ERCC6: variants seen among roughly 807,000 people sequenced by gnomAD.
The protein encoded by ERCC6 is ERCC excision repair 6, chromatin remodeling factor.
Under a neutral mutation model 158.7 loss-of-function variants are expected in ERCC6, and 116 were observed. The observed-to-expected ratio is 0.73, with a 90% confidence interval of 0.63 to 0.85. ERCC6 has a LOEUF of 0.85. ERCC6 is among the 40% of genes least tolerant of loss of function. The probability of loss-of-function intolerance (pLI) is 0.00; values close to 1 mark genes in which losing one functional copy is unlikely to be tolerated. For missense variants in ERCC6, 1,698 were observed against 1,799.4 expected (o/e 0.94, Z 1.02); for synonymous variants, 678 against 659.3 (o/e 1.03, Z -0.43).
chr10:49,475,919 C>T (rs1373711457), intron 12 of ERCC6, among the ~76,000 whole-genome samples: 1 of 152,196 alleles, frequency 6.6e-6, no homozygotes, highest in East Asian at 1.9e-4. Flanking sequence ...GCCCACCTAC[C>T]AGGTAAGACC....
chr10:49,504,959 C>T (rs902298057), intron 6 of ERCC6: 3 of 152,128 alleles, frequency 2.0e-5, no homozygotes, highest in African/African-American at 7.2e-5. Flanking sequence ...AAAGAGCATG[C>T]TGTTTTTAAG....
intron 16 of ERCC6, 91 bp downstream of exon 16, chr10:49,472,285 T>A (rs2132539286): frequency 9.2e-7 from 1 of 1,084,374 alleles, no homozygotes; most frequent in East Asian, 2.3e-5. Context: ...TATTCTAAGA[T>A]GTTAAGACTT....
chr10:49,443,961 C>T, the ERCC6 span, among the ~76,000 whole-genome samples: 18 of 152,204 alleles, frequency 1.2e-4, no homozygotes, highest in Admixed American at 3.3e-4. Context: ...AAGTGGTTGA[C>T]GACAGGAAAA....
At chr10:49,510,535 C>T (rs139120838) in intron 5 of ERCC6, among the ~76,000 whole-genome samples, 3 of 152,244 alleles carry the variant, frequency 2.0e-5, no homozygotes, top group East Asian at 1.9e-4. Flanking sequence ...CTCCCAATCC[C>T]GTGACATCTT....
In ERCC6 at chr10:49,532,622, T is replaced by C. The variant is rs979639107; in HGVS notation, c.343A>G (p.Asn115Asp). Residue 115 changes from asparagine (N) to aspartate (D), a missense_variant, in exon 2 of 21, where the codon AAT (asparagine) becomes GAT (aspartate). By Grantham distance (23) the Asn-to-Asp change is conservative (BLOSUM62 1). Transcript: ENST00000355832. ...GCACGGCTGGCCTCATGGATGGCAT[T>C]GTCCACCTGCTGAAGCACTCCCTGT... ...LEQGVLQQVDNAIHEASRASQ... is the reference protein window; with the variant it reads ...LEQGVLQQVDDAIHEASRASQ... The C allele has an allele frequency of 1.9e-6, 3 of 1,614,116 alleles. No individual in the cohort carries two copies. The highest frequency in any genetic ancestry group is 2.7e-5 in the African/African-American group (2 of 74,926).
chr10:49,530,574 A>G, intron 3 of ERCC6, 146 bp downstream of exon 3: 1 of 1,306,236 alleles, frequency 7.7e-7, no homozygotes, highest in Non-Finnish European at 1.0e-6. Flanking sequence ...AAGATTAAAC[A>G]TACAAAAGAA....
rs1044156236 is a variant in ERCC6 at position 49,531,138 on chromosome 10, T to C, written c.423-298A>G. ...TAAGTGCCTACTTTATTCAACACAC[T>C]ATGCTAGAACAATGTGCAATAAGTT... On this transcript the variant is annotated intron_variant, in intron 2 of 20. Transcript: ENST00000355832. 5.9e-5 allele frequency among the ~76,000 whole-genome samples: 9 copies of C among 152,198 alleles called. No individual in the cohort carries two copies. In the East Asian group the frequency reaches 1.2e-3, roughly 20 times the overall value.
chr10:49,529,958 T>C (rs1313985745), intron 3 of ERCC6, among the ~76,000 whole-genome samples: 2 of 152,020 alleles, frequency 1.3e-5, no homozygotes, highest in African/African-American at 2.4e-5. Context: ...CAAAGCTAAG[T>C]ACAACCCCAG....
At chr10:49,452,315 C>T (rs1206656255), downstream of ERCC6, among the ~76,000 whole-genome samples, 1 of 151,996 alleles carries the variant, frequency 6.6e-6, no homozygotes, top group Admixed American at 6.6e-5. Context: ...CCTCAAAGTG[C>T]TGATTACCTT....
chr10:49,488,181 G>A (rs2132558210), intron 8 of ERCC6: 1 of 216,578 alleles, frequency 4.6e-6, no homozygotes, highest in Middle Eastern at 5.0e-4. Context: ...GTTGTCATTA[G>A]AAGATGTCTG....
chr10:49,530,087 T>C (rs184693795), intron 3 of ERCC6, among the ~76,000 whole-genome samples: 2 of 150,536 alleles, frequency 1.3e-5, no homozygotes, highest in Admixed American at 6.6e-5. Context: ...TGGAGACAAT[T>C]AGAGGAAGCA....
chr10:49,536,818 A>G (rs1299481810), intron 1 of ERCC6, among the ~76,000 whole-genome samples: 1 of 152,186 alleles, frequency 6.6e-6, no homozygotes, highest in Non-Finnish European at 1.5e-5. Flanking sequence ...CAAAAGAGTC[A>G]CGGGGTTGAA....
chr10:49,479,551 T>A (rs1012737394), intron 10 of ERCC6, among the ~76,000 whole-genome samples: 1 of 152,236 alleles, frequency 6.6e-6, no homozygotes, highest in African/African-American at 2.4e-5. Context: ...CTGATGAATA[T>A]CACCTTGAAG....
intron 1 of ERCC6, among the ~76,000 whole-genome samples, chr10:49,538,757 T>C (rs1443448544): frequency 6.6e-6 from 1 of 152,130 alleles, no homozygotes; most frequent in Non-Finnish European, 1.5e-5. Flanking sequence ...CCGCCTCAGG[T>C]GAGCGCTCCT....
rs4253004 is a variant in ERCC6, at chr10:49,539,034, G to C, written c.-87C>G. The C allele has an allele frequency of 1.3e-5, 2 of 152,516 alleles. No individual in the cohort carries two copies. The highest frequency in any genetic ancestry group is 4.8e-5 in the African/African-American group (2 of 41,464). The allele number at this position is 152,516 out of a possible 1,614,324, so 9.4% of individuals were successfully genotyped here. ...CAGCCGCCTTGGAACCCAGCTCGAC[G>C]GGCCGTGGCGCCTGCGCCCTCAGCT... On this transcript the variant is annotated 5_prime_UTR_variant, in exon 1 of 21. Coordinates refer to ENST00000355832, the MANE Select transcript of ERCC6 (RefSeq NM_000124.4).
intron 18 of ERCC6, among the ~76,000 whole-genome samples, chr10:49,466,539 T>C (rs141542989): frequency 1.0e-3 from 158 of 152,322 alleles, no homozygotes; most frequent in Non-Finnish European, 1.8e-3. Flanking sequence ...AGTTGTGACA[T>C]TATGTACATA....
rs1554873973 is a variant in ERCC6 at position 49,460,453 on chromosome 10, T to C, written c.3984-2A>G. 1 of 1,603,994 alleles carries C rather than the reference T, an allele frequency of 6.2e-7. No homozygotes were observed. Among genetic ancestry groups the C allele is most frequent in the Non-Finnish European group, 8.5e-7 (1 of 1,170,902 alleles). ...TTCCTTTTCTTACCAAATCTACTCCTAAAAAAGGAAAAGCATCACAGTAGA... is the reference window on the plus strand; with the variant it reads ...TTCCTTTTCTTACCAAATCTACTCCCAAAAAAGGAAAAGCATCACAGTAGA... On this transcript the variant is annotated splice_acceptor_variant, in intron 19 of 20. Coordinates refer to ENST00000355832, the MANE Select transcript of ERCC6 (RefSeq NM_000124.4). LOFTEE classifies it high-confidence loss of function.
chr10:49,532,945 G>A lies in ERCC6; in HGVS notation c.20C>T (p.Pro7Leu). Residue 7 changes from proline to leucine, a missense_variant, in exon 2 of 21, where the codon CCC (proline) becomes CTC (leucine). Transcript: ENST00000355832. MPNEGIPHSSQTQEQDC... is the reference protein window; with the variant it reads MPNEGILHSSQTQEQDC... ...TTGCTCCTGAGTTTGACTTGAGTGG[G>A]GGATTCCCTCATTTGGCATTCTCTA... 6.2e-7 allele frequency: 1 copy of A among 1,614,142 alleles called. No homozygotes were observed. The highest frequency in any genetic ancestry group is 1.1e-5 in the South Asian group (1 of 91,078).
intron 10 of ERCC6, among the ~76,000 whole-genome samples, chr10:49,480,788 T>A (rs1478135091): frequency 6.6e-6 from 1 of 152,202 alleles, no homozygotes; most frequent in East Asian, 1.9e-4. Context: ...GTGATATTCC[T>A]AGCCAAAATG....
Sources: gnomAD v4.1 joint callset for allele counts (sites outside exome capture counted in the v4.1 genomes callset) on GRCh38, gnomAD v4.1.1 for gene constraint, MANE v1.5 for transcripts, NCBI Gene and HGNC (gene_info 2026-07-23, HGNC 2026-07-21) for gene names.